Variants in POLR3A observed in about 807,000 individuals in gnomAD.
The protein encoded by POLR3A is RNA polymerase III subunit A.
A neutral mutation model predicts 152.8 loss-of-function variants in POLR3A; 112 were observed. The ratio of observed to expected loss-of-function variants is 0.73; its 90% CI spans 0.63 to 0.86. POLR3A has a LOEUF of 0.86. Among genes scored for constraint, POLR3A ranks in the 40% least tolerant of loss-of-function variants. The pLI is 0.00. For missense variants in POLR3A, 1,385 were observed against 1,743.1 expected (o/e 0.79, Z 3.66); for synonymous variants, 615 against 652.1 (o/e 0.94, Z 0.87).
chr10:77,998,126 TCCTTATA>T (rs937225478), intron 19 of POLR3A, among the ~76,000 whole-genome samples: 1 of 152,158 alleles, frequency 6.6e-6, no homozygotes, highest in Non-Finnish European at 1.5e-5. Context: ...CTGGATCCCT[TCCTTATA>T]CCTTATACAA....
At chr10:78,029,327 A>G (rs1847668054) in intron 1 of POLR3A, 37 bp downstream of exon 1, 1 of 1,611,642 alleles carries the variant, frequency 6.2e-7, no homozygotes, top group Non-Finnish European at 8.5e-7. Flanking sequence ...CCCTTGCCCT[A>G]TTTCTCAGCC....
intron 30 of POLR3A, 98 bp downstream of exon 30, chr10:77,980,043 C>A: frequency 9.2e-7 from 1 of 1,092,046 alleles, no homozygotes; most frequent in Non-Finnish European, 1.4e-6. Context: ...AATAAACGCT[C>A]TGCCACTCAG....
At chr10:78,009,313 C>A (rs1847441572) in intron 14 of POLR3A, among the ~76,000 whole-genome samples, 1 of 151,996 alleles carries the variant, frequency 6.6e-6, no homozygotes, top group African/African-American at 2.4e-5. Flanking sequence ...ACATTCTAAC[C>A]ACTGCGTCAT....
chr10:78,008,385 G>T (rs370163245), intron 14 of POLR3A, among the ~76,000 whole-genome samples: 2 of 152,184 alleles, frequency 1.3e-5, no homozygotes, highest in African/African-American at 4.8e-5. Context: ...TATTTCCAAA[G>T]AAATAAATCT....
At chr10:78,003,288 C>A (rs928327639) in intron 16 of POLR3A, among the ~76,000 whole-genome samples, 4 of 152,150 alleles carry the variant, frequency 2.6e-5, no homozygotes, top group Admixed American at 2.6e-4. Flanking sequence ...ATGGTAAATA[C>A]CTCACAAAAT....
chr10:77,983,124 AG>A (rs1383508491), intron 26 of POLR3A, among the ~76,000 whole-genome samples: 1 of 152,156 alleles, frequency 6.6e-6, no homozygotes, highest in African/African-American at 2.4e-5. Context: ...TGGAGGTTGG[AG>A]GCCAGGCTAA....
chr10:77,993,356 G>A lies in POLR3A; in HGVS notation c.2628C>T (p.Val876=). ...AETGYMQRRL[V]KSLEDLCSQY... The stretch of plus-strand genomic sequence containing the variant: ...GGGAGCAAAGATCTTCAAGAGATTT[G>A]ACAAGCCTTCGCTAAAGGAAAAGGA... The change falls in exon 20 of 31, where the codon GTC becomes GTT. Residue 876 remains valine, a synonymous_variant. Coordinates refer to ENST00000372371, the MANE Select transcript of POLR3A (RefSeq NM_007055.4). 1.9e-6 allele frequency: 3 copies of A among 1,613,516 alleles called. No individual in the cohort carries two copies. Among genetic ancestry groups the A allele is most frequent in the South Asian group, 1.1e-5 (1 of 91,044 alleles).
chr10:77,986,315 C>T (rs1425140311), intron 21 of POLR3A, among the ~76,000 whole-genome samples, 156 bp from the exon 22 acceptor site: 3 of 152,184 alleles, frequency 2.0e-5, no homozygotes, highest in Non-Finnish European at 2.9e-5. Flanking sequence ...ACTGCTTCTA[C>T]TACAAAGTGG....
At position 78,021,663 on chromosome 10, in the gene POLR3A, G is replaced by C; in HGVS notation, c.1068C>G (p.Leu356=). The C allele has an allele frequency of 6.2e-7, 1 of 1,614,128 alleles. No homozygotes were observed. The highest frequency in any genetic ancestry group is 8.5e-7 in the Non-Finnish European group (1 of 1,180,026). ...KGKQGRFRGN[L]SGKRVDFSGR... ...CAGAAAAATCCACTCTCTTTCCTGA[G>C]AGATTTCCTCTAAATCGACCTAAAT... The change falls in exon 8 of 31, where the codon CTC becomes CTG. Residue 356 remains leucine (L), a synonymous_variant. Transcript: ENST00000372371.
Position 77,982,135 on chromosome 10 carries a change from C to T in POLR3A, c.3759+19G>A, listed in dbSNP as rs761306859. On this transcript the variant is annotated intron_variant, in intron 28 of 30. Coordinates refer to ENST00000372371, the MANE Select transcript of POLR3A (RefSeq NM_007055.4). ...GAAGACAGCCTAACCCTAAGGCGAC[C>T]CCGTGGGCTGAGTGGTACCTCATAG... The T allele has an allele frequency of 1.2e-6, 2 of 1,612,816 alleles. No homozygotes were observed. Among genetic ancestry groups the T allele is most frequent in the Non-Finnish European group, 1.7e-6 (2 of 1,179,476 alleles).
intron 17 of POLR3A, among the ~76,000 whole-genome samples, chr10:78,001,512 G>A: frequency 6.6e-6 from 1 of 152,102 alleles, no homozygotes; most frequent in East Asian, 1.9e-4. Flanking sequence ...GGAGAGCAAT[G>A]GGGTAAAAGG....
At position 78,025,609 on chromosome 10, in the gene POLR3A, C is replaced by T; in HGVS notation, c.318+13G>A. ...AGAATTTATGTCTTGGAAATCAGCA[C>T]CTGTGTGCTTACCTGTAAGATGCCT... On this transcript the variant is annotated intron_variant, in intron 3 of 30. Coordinates refer to ENST00000372371, the MANE Select transcript of POLR3A (RefSeq NM_007055.4). The T allele has an allele frequency of 1.2e-6, 2 of 1,614,002 alleles. No individual in the cohort carries two copies. Among genetic ancestry groups the T allele is most frequent in the Non-Finnish European group, 1.7e-6 (2 of 1,179,870 alleles).
At chr10:77,977,754 C>T in intron 30 of POLR3A, 128 bp from the exon 31 acceptor site, 1 of 799,644 alleles carries the variant, frequency 1.3e-6, no homozygotes, top group South Asian at 1.4e-5. Context: ...ATCAACTGAA[C>T]TTTGGCAAAT....
At chr10:78,006,599 T>C (rs1475799583) in intron 15 of POLR3A, among the ~76,000 whole-genome samples, 2 of 151,770 alleles carry the variant, frequency 1.3e-5, no homozygotes, top group African/African-American at 4.8e-5. Flanking sequence ...AGTTCTAATA[T>C]GTAATTAACT....
At position 77,985,340 on chromosome 10, in the gene POLR3A, C is replaced by T. The variant is rs1200359299; in HGVS notation, c.3072G>A (p.Arg1024=). 6.2e-7 allele frequency: 1 copy of T among 1,613,680 alleles called. No homozygotes were observed. The highest frequency in any genetic ancestry group is 8.5e-7 in the Non-Finnish European group (1 of 1,179,636). Residue 1024 remains arginine (R), a splice_region_variant and synonymous_variant, in exon 24 of 31, where the codon AGG becomes AGA. Transcript: ENST00000372371. ...CTGCAGAACCTGGCTCCATCTGTGCCCTAGAAGGCAAAGGTATGGATGAGA... is the reference window on the plus strand; with the variant it reads ...CTGCAGAACCTGGCTCCATCTGTGCTCTAGAAGGCAAAGGTATGGATGAGA... ...FLETCRDKYM[R]AQMEPGSAVG...
At chr10:78,011,677 G>A (rs1048961071) in intron 11 of POLR3A, among the ~76,000 whole-genome samples, 5 of 152,148 alleles carry the variant, frequency 3.3e-5, no homozygotes, top group Admixed American at 1.3e-4. Flanking sequence ...GGTAGTCTAC[G>A]GATAGAAGCA....
Position 77,982,247 on chromosome 10 carries a change from C to T in POLR3A, c.3666G>A (p.Lys1222=). 1.2e-6 allele frequency: 2 copies of T among 1,614,004 alleles called. No individual in the cohort carries two copies. The highest frequency in any genetic ancestry group is 1.7e-6 in the Non-Finnish European group (2 of 1,179,990). The part of the protein sequence containing the change: ...IHIDEQSGKE[K]YKLLVEGDNL... ...TATCACCTTCCACCAGAAGCTTGTA[C>T]TTCTCCTTTCCACTCTGCTCGTCAA... Residue 1222 remains lysine (K), a synonymous_variant, in exon 28 of 31, where the codon AAG becomes AAA. Coordinates refer to ENST00000372371, the MANE Select transcript of POLR3A (RefSeq NM_007055.4).
intron 10 of POLR3A, among the ~76,000 whole-genome samples, chr10:78,014,164 GA>G (rs111309592): frequency 0.011 from 1,275 of 113,402 alleles, 17 homozygotes; most frequent in African/African-American, 0.033. Flanking sequence ...CTCAAAAAAA[GA>G]AAAAAAAAAA....
chr10:77,990,935 A>G (rs2131935260), intron 21 of POLR3A, 119 bp downstream of exon 21: 1 of 693,946 alleles, frequency 1.4e-6, no homozygotes, highest in Non-Finnish European at 2.6e-6. Context: ...TTTCTAACAA[A>G]GGAACAACCC....
Sources: gnomAD v4.1 joint callset for allele counts (sites outside exome capture counted in the v4.1 genomes callset) on GRCh38, gnomAD v4.1.1 for gene constraint, MANE v1.5 for transcripts, NCBI Gene and HGNC (gene_info 2026-07-23, HGNC 2026-07-21) for gene names.